PTCH1: variants seen among roughly 807,000 people sequenced by gnomAD.
PTCH1 encodes patched 1.
In PTCH1, 14 loss-of-function variants were observed where a neutral mutation model predicts 144.6. The ratio of observed to expected loss-of-function variants is 0.10; its 90% confidence interval spans 0.06 to 0.15. The LOEUF (loss-of-function observed/expected upper bound fraction) is 0.15, where lower values mean the gene tolerates loss of function less well. PTCH1 is among the 10% of genes least tolerant of loss of function. The pLI is 1.00. For synonymous variants in PTCH1, 833 were observed against 793.6 expected (o/e 1.05, Z -0.83); for missense variants, 1,623 against 1,948.3 (o/e 0.83, Z 3.14).
At chr9:95,454,696 C>A (rs1838765751) in intron 19 of PTCH1, among the ~76,000 whole-genome samples, 1 of 152,226 alleles carries the variant, frequency 6.6e-6, no homozygotes, top group South Asian at 2.1e-4. Context: ...GTTACTGAGA[C>A]AGCAAATGAA....
upstream of PTCH1, among the ~76,000 whole-genome samples, chr9:95,510,655 C>CTT: frequency 6.6e-6 from 1 of 151,020 alleles, no homozygotes; most frequent in Non-Finnish European, 1.5e-5. Context: ...TGCAGAGGGA[C>CTT]TGGCAGTAGC....
upstream of PTCH1, among the ~76,000 whole-genome samples, chr9:95,511,451 G>A (rs914813316): frequency 1.3e-5 from 2 of 152,212 alleles, no homozygotes; most frequent in Non-Finnish European, 2.9e-5. Context: ...GGGATGTCCC[G>A]AGGAAGAGAG....
intron 2 of PTCH1, among the ~76,000 whole-genome samples, chr9:95,499,979 C>G (rs1214776792): frequency 6.6e-6 from 1 of 151,910 alleles, no homozygotes; most frequent in Non-Finnish European, 1.5e-5. Context: ...TCAGCTTGCC[C>G]GAGTGGACAG....
chr9:95,489,995 G>C (rs1050382799), intron 2 of PTCH1, among the ~76,000 whole-genome samples: 2 of 149,674 alleles, frequency 1.3e-5, no homozygotes, highest in African/African-American at 4.9e-5. Flanking sequence ...GTAGAGATGG[G>C]GTTTCACTGT....
intron 1 of PTCH1, among the ~76,000 whole-genome samples, chr9:95,516,202 C>T (rs1244972282): frequency 6.6e-6 from 1 of 150,408 alleles, no homozygotes; most frequent in East Asian, 1.9e-4. Context: ...CAGCCCCCTC[C>T]CCGCCACGCG....
Position 95,480,371 on chromosome 9 carries a change from G to A in PTCH1, c.945+19C>T, listed in dbSNP as rs538776608. 2.1e-5 allele frequency: 34 copies of A among 1,608,904 alleles called. No homozygotes were observed. Among genetic ancestry groups the A allele is most frequent in the Middle Eastern group, 3.4e-4 (2 of 5,864 alleles). ...TTTTGCTCTCCACCCTTCTGAGAGC[G>A]CTCACTGCTGGTACTCACTTTGGTT... On this transcript the variant is annotated intron_variant, in intron 6 of 23. Transcript: ENST00000331920.
chr9:95,460,006 C>T (rs1839327251), intron 16 of PTCH1: 2 of 590,494 alleles, frequency 3.4e-6, no homozygotes, highest in East Asian at 3.0e-5. Flanking sequence ...CACAGTTCTG[C>T]AGATGGCCCA....
intron 12 of PTCH1, among the ~76,000 whole-genome samples, chr9:95,473,053 A>T (rs945889316): frequency 1.2e-4 from 19 of 152,222 alleles, no homozygotes; most frequent in African/African-American, 4.6e-4. Flanking sequence ...CAGACAGAAC[A>T]ACAAGGGGTT....
chr9:95,515,140 GTCTT>G (rs1844307547), intron 1 of PTCH1, among the ~76,000 whole-genome samples: 6 of 152,162 alleles, frequency 3.9e-5, no homozygotes, highest in Admixed American at 3.9e-4. Flanking sequence ...ATAAAGCATT[GTCTT>G]TCTTTGTGGA....
rs863224650 is a variant in PTCH1, at chr9:95,469,856, G to T, written c.1804C>A (p.Arg602=). The T allele has an allele frequency of 6.2e-7, 1 of 1,613,908 alleles. No individual in the cohort carries two copies. Among genetic ancestry groups the T allele is most frequent in the Non-Finnish European group, 8.5e-7 (1 of 1,179,992 alleles). ...FPAILSMDLY[R]REDRRLDIFC... The stretch of plus-strand genomic sequence containing the variant: ...ATATCCAGTCTCCTGTCCTCGCGTC[G>T]ATATAAATCCATGCTGAGAATTGCA... Residue 602 remains arginine (R), a synonymous_variant, in exon 13 of 24, where the codon CGA becomes AGA. Transcript: ENST00000331920.
In PTCH1 at chr9:95,458,940, G is replaced by A. The variant is rs531022487; in HGVS notation, c.2888-647C>T. Among the ~76,000 whole-genome samples the A allele has an allele frequency of 3.3e-5, 5 of 152,290 alleles. No homozygotes were observed. In the South Asian group the frequency reaches 8.3e-4, roughly 25 times the overall value. On this transcript the variant is annotated intron_variant, in intron 17 of 23. Transcript: ENST00000331920. This position sits in a 1 kb window ranked among gnomAD's most constrained non-coding sequence, Gnocchi z 4.7. Reference sequence around the variant, plus strand: ...CAGGGCTCTGGGCAGCACTGGATCCGGGGAAGCACTACTCGCTGAGTCTCC... The same window carrying A: ...CAGGGCTCTGGGCAGCACTGGATCCAGGGAAGCACTACTCGCTGAGTCTCC...
At chr9:95,495,476 G>A (rs993704888) in intron 2 of PTCH1, 2 of 151,758 alleles carry the variant, frequency 1.3e-5, no homozygotes, top group Non-Finnish European at 2.9e-5. Context: ...TGACAGTGGA[G>A]GTAGGGGGAG....
chr9:95,446,531 G>A, intron 23 of PTCH1, 140 bp from the exon 24 acceptor site: 1 of 453,202 alleles, frequency 2.2e-6, no homozygotes, highest in Non-Finnish European at 4.3e-6. Flanking sequence ...GTCCCTGGGG[G>A]CTGCTTGTGA....
At position 95,449,767 on chromosome 9, in the gene PTCH1, CGAAGT is replaced by C; in HGVS notation, c.3549+69_3549+73del. Reference sequence around the variant, plus strand: ...AGCAAGTGGGGAGGCACCTAAGTATCGAAGTGAAGAGCGGCACAGGAAACACAGCA... The same window carrying C: ...AGCAAGTGGGGAGGCACCTAAGTATCGAAGAGCGGCACAGGAAACACAGCA... On this transcript the variant is annotated intron_variant, in intron 21 of 23. Coordinates refer to ENST00000331920, the MANE Select transcript of PTCH1 (RefSeq NM_000264.5). The surrounding 1 kb of genome is among the most constrained non-coding windows in gnomAD (Gnocchi z 5.3). 1 of 1,362,566 alleles carries C rather than the reference CGAAGT, an allele frequency of 7.3e-7. No homozygotes were observed. Among genetic ancestry groups the C allele is most frequent in the Non-Finnish European group, 1.0e-6 (1 of 959,826 alleles). The allele number at this position is 1,362,566 out of a possible 1,614,324, so 84.4% of individuals were successfully genotyped here.
intron 12 of PTCH1, among the ~76,000 whole-genome samples, chr9:95,473,207 A>C (rs1840729756): frequency 6.6e-6 from 1 of 152,254 alleles, no homozygotes; most frequent in South Asian, 2.1e-4. Flanking sequence ...ATGAGGTTTA[A>C]GACAGTTTCC....
chr9:95,500,356 C>T (rs1431516403), intron 2 of PTCH1, among the ~76,000 whole-genome samples: 1 of 152,216 alleles, frequency 6.6e-6, no homozygotes, highest in East Asian at 1.9e-4. Context: ...TTGGTGGCTT[C>T]TCATTTCCAA....
chr9:95,450,451 C>T (rs559252659), intron 20 of PTCH1: 5 of 180,220 alleles, frequency 2.8e-5, no homozygotes, highest in South Asian at 1.2e-4. Context: ...CTGCATCTTA[C>T]GGCAGAATCT....
chr9:95,498,766 G>A (rs1244912287), intron 2 of PTCH1, among the ~76,000 whole-genome samples: 1 of 152,170 alleles, frequency 6.6e-6, no homozygotes, highest in Non-Finnish European at 1.5e-5. Flanking sequence ...TTATATCTGT[G>A]TATTCAAGGA....
intron 14 of PTCH1, 133 bp from the exon 15 acceptor site, chr9:95,467,558 C>T (rs1329855392): frequency 1.2e-6 from 1 of 867,814 alleles, no homozygotes; most frequent in Non-Finnish European, 1.8e-6. Flanking sequence ...GGGTTGTTCT[C>T]CCATAGGAAA....
Sources: allele counts gnomAD v4.1 joint callset (sites outside exome capture counted in the v4.1 genomes callset), GRCh38; gene constraint gnomAD v4.1.1; non-coding constraint Gnocchi (gnomAD v3.1); transcripts MANE v1.5; gene names NCBI Gene and HGNC (gene_info 2026-07-23, HGNC 2026-07-21).